The following PRDM7 variants were observed in gnomAD, a reference collection of about 807,000 sequenced individuals.
PRDM7 encodes the protein PR/SET domain 7, also known as histone-lysine N-methyltransferase PRDM7.
A neutral mutation model predicts 64.3 loss-of-function variants in PRDM7; 52 were observed. The ratio of observed to expected loss-of-function variants is 0.81; its 90% CI spans 0.65 to 1.02. PRDM7 has a LOEUF of 1.02. Ranked by LOEUF, PRDM7 falls within the 50% of genes least tolerant of loss-of-function variation. PRDM7 has a pLI of 0.00. For synonymous variants in PRDM7, 192 were observed against 210.1 expected (o/e 0.91, Z 0.74); for missense variants, 574 against 597.1 (o/e 0.96, Z 0.40).
chr16:90,065,734 C>T (rs940853000), intron 5 of PRDM7, among the ~76,000 whole-genome samples: 9 of 151,428 alleles, frequency 5.9e-5, no homozygotes, highest in Admixed American at 1.3e-4. Flanking sequence ...GACTCTGTCT[C>T]AAACTACCCC....
intron 4 of PRDM7, among the ~76,000 whole-genome samples, chr16:90,067,811 C>T (rs1216430764): frequency 2.0e-5 from 3 of 150,850 alleles, no homozygotes; most frequent in Admixed American, 6.6e-5. Flanking sequence ...AGGATGGTCT[C>T]GGTCTCCTGA....
In PRDM7 at chr16:90,063,712, C is replaced by T. The variant is rs770201192; in HGVS notation, c.408G>A (p.Thr136=). 2.6e-5 allele frequency: 42 copies of T among 1,614,050 alleles called. No individual in the cohort carries two copies. Among genetic ancestry groups the T allele is most frequent in the East Asian group, 4.5e-5 (2 of 44,902 alleles). ...NESSLRELSG[T]PNLLNTSDSE... is the part of the protein sequence containing the mutation. ...AGTCACTTGTATTCAGTAAATTTGG[C>T]GTTCCTGACAATTCTCTCAAACTAG... Residue 136 remains threonine, a synonymous_variant, in exon 6 of 11, where the codon ACG becomes ACA. Transcript: ENST00000449207.
intron 4 of PRDM7, among the ~76,000 whole-genome samples, chr16:90,071,309 T>C (rs2037952030): frequency 6.6e-6 from 1 of 152,190 alleles, no homozygotes; most frequent in African/African-American, 2.4e-5. Context: ...TTTTGTATTT[T>C]TAGTAGAGAT....
chr16:90,064,865 T>C (rs1410713667), intron 5 of PRDM7, among the ~76,000 whole-genome samples: 12 of 150,306 alleles, frequency 8.0e-5, no homozygotes, highest in Non-Finnish European at 1.2e-4. Flanking sequence ...ATTACAGGTG[T>C]CCACCACCAT....
rs1392482580 is a variant in PRDM7 at position 90,068,535 on chromosome 16, C to T, written c.302-1625G>A. ...CTGTAGTCCCAGCTACTCAGGAGGC[C>T]GAGGCAGGAGAATGGCATGAACCTT... On this transcript the variant is annotated intron_variant, in intron 4 of 10. Coordinates refer to ENST00000449207, the MANE Select transcript of PRDM7 (RefSeq NM_001098173.2). Among the ~76,000 whole-genome samples, 16 of 147,236 alleles carry T rather than the reference C, an allele frequency of 1.1e-4. No homozygotes were observed. In the East Asian group the frequency reaches 3.0e-3, roughly 28 times the overall value.
At position 90,058,424 on chromosome 16, in the gene PRDM7, G is replaced by C; in HGVS notation, c.1344C>G (p.Asp448Glu). ...GGTTGGAGAAGTTTTCTTGCAGATG[G>C]TCCTGGGAAGTTCTGAGAGGAGTGA... is the stretch of plus-strand genomic sequence containing the variant. The part of the protein sequence containing the change: ...NAITPLRTSQ[D>E]HLQENFSNQR... Residue 448 changes from aspartate to glutamate, a missense_variant, in exon 11 of 11, where the codon GAC becomes GAG. Transcript: ENST00000449207. 1 of 1,614,184 alleles carries C rather than the reference G, an allele frequency of 6.2e-7. No individual in the cohort carries two copies. The highest frequency in any genetic ancestry group is 8.5e-7 in the Non-Finnish European group (1 of 1,180,028).
At chr16:90,070,723 C>T (rs2037944827) in intron 4 of PRDM7, among the ~76,000 whole-genome samples, 1 of 143,802 alleles carries the variant, frequency 7.0e-6, no homozygotes, top group Non-Finnish European at 1.5e-5. Context: ...AGAGAGCCCT[C>T]ACTGGAACCC....
In PRDM7 at chr16:90,075,354, C is replaced by T; in HGVS notation, c.190G>A (p.Val64Ile). Residue 64 changes from valine to isoleucine, a missense_variant, in exon 3 of 11, where the codon GTA (valine) becomes ATA (isoleucine). Coordinates refer to ENST00000449207, the MANE Select transcript of PRDM7 (RefSeq NM_001098173.2). This position sits in a 1 kb window ranked among gnomAD's most constrained non-coding sequence, Gnocchi z 4.3. ...TGTGCCCAGCACTTCCTGTTACCTA[C>T]AGTAATCAGTGCATTATAGTTCATT... ...VKMNYNALIT[V>I]GLRATRPAFM... is the part of the protein sequence containing the mutation. 6.2e-7 allele frequency: 1 copy of T among 1,614,256 alleles called. No homozygotes were observed. The highest frequency in any genetic ancestry group is 8.5e-7 in the Non-Finnish European group (1 of 1,180,044).
intron 4 of PRDM7, among the ~76,000 whole-genome samples, chr16:90,074,283 G>GTCGTCATCA (rs113668745): frequency 6.8e-5 from 10 of 147,974 alleles, no homozygotes. Context: ...AATCATCATC[G>GTCGTCATCA]TCATCATCAT....
At chr16:90,074,337 G>A (rs1264985897) in intron 4 of PRDM7, among the ~76,000 whole-genome samples, 1 of 151,380 alleles carries the variant, frequency 6.6e-6, no homozygotes, top group East Asian at 2.0e-4. Context: ...AGCATTTTGG[G>A]AGGCCAAGGC....
At position 90,063,690 on chromosome 16, in the gene PRDM7, C is replaced by A; in HGVS notation, c.430G>T (p.Asp144Tyr). The A allele has an allele frequency of 3.1e-6, 5 of 1,614,164 alleles. No homozygotes were observed. Among genetic ancestry groups the A allele is most frequent in the Non-Finnish European group, 4.2e-6 (5 of 1,180,008 alleles). ...ACTGGTTTCTGAGCCTGCTCTGAGT[C>A]ACTTGTATTCAGTAAATTTGGCGTT... The part of the protein sequence containing the change: ...SGTPNLLNTS[D>Y]SEQAQKPVSP... The change falls in exon 6 of 11, where the codon GAC (aspartate) becomes TAC (tyrosine). Residue 144 changes from aspartate (D) to tyrosine (Y), a missense_variant. Physicochemically the swap from Asp to Tyr is radical, Grantham distance 160. Coordinates refer to ENST00000449207, the MANE Select transcript of PRDM7 (RefSeq NM_001098173.2).
chr16:90,067,378 G>A (rs1355128518), intron 4 of PRDM7, among the ~76,000 whole-genome samples: 1 of 150,920 alleles, frequency 6.6e-6, no homozygotes, highest in East Asian at 1.9e-4. Context: ...TAAGGCCTAT[G>A]CTTCTATTGG....
intron 9 of PRDM7, 143 bp from the exon 10 acceptor site, chr16:90,060,766 C>T (rs938895619): frequency 2.1e-4 from 247 of 1,169,428 alleles, no homozygotes; most frequent in Non-Finnish European, 2.9e-4. Context: ...GACTTACCTC[C>T]ACCTTGATTG....
At chr16:90,068,634 C>CA (rs778285091) in intron 4 of PRDM7, among the ~76,000 whole-genome samples, 97 of 93,318 alleles carry the variant, frequency 1.0e-3, no homozygotes, top group South Asian at 7.3e-3. Flanking sequence ...GACTCCGTCT[C>CA]AAAAAAAAAA....
intron 4 of PRDM7, among the ~76,000 whole-genome samples, chr16:90,069,061 GA>G (rs1485888367): frequency 6.6e-6 from 1 of 151,254 alleles, no homozygotes; most frequent in Non-Finnish European, 1.5e-5. Flanking sequence ...AAACAATCTT[GA>G]AAAAGAAGGA....
In PRDM7 at chr16:90,061,653, A is replaced by G. The variant is rs1025983706; in HGVS notation, c.883-134T>C. On this transcript the variant is annotated intron_variant, in intron 8 of 10. Transcript: ENST00000449207. ...ACTGAGACCACATGGCATGCACCTT[A>G]GTCATCATCTACACATCTGAGTTGG... 66 of 1,182,768 alleles carry G rather than the reference A, an allele frequency of 5.6e-5. No individual in the cohort carries two copies. The African/African-American group carries it at 9.6e-4, about 17-fold the overall frequency. 73.3% of individuals were successfully genotyped at this position (1,182,768 alleles called of 1,614,324 possible).
intron 6 of PRDM7, among the ~76,000 whole-genome samples, chr16:90,063,293 C>T (rs1212859673): frequency 6.6e-6 from 1 of 152,070 alleles, no homozygotes; most frequent in Non-Finnish European, 1.5e-5. Context: ...TAAAAATCAG[C>T]CGGGCACGGT....
intron 6 of PRDM7, among the ~76,000 whole-genome samples, chr16:90,063,151 A>G (rs1241446313): frequency 6.6e-6 from 1 of 152,186 alleles, no homozygotes; most frequent in Non-Finnish European, 1.5e-5. Flanking sequence ...ATGCTATTCA[A>G]TACTGTATCC....
chr16:90,064,691 T>C (rs1229233362), intron 5 of PRDM7, among the ~76,000 whole-genome samples: 2 of 147,122 alleles, frequency 1.4e-5, no homozygotes, highest in African/African-American at 2.5e-5. Context: ...TGGGATTATA[T>C]GTAAGAGCCC....
Sources: allele counts gnomAD v4.1 joint callset (sites outside exome capture counted in the v4.1 genomes callset), GRCh38; gene constraint gnomAD v4.1.1; non-coding constraint Gnocchi (gnomAD v3.1); transcripts MANE v1.5; gene names NCBI Gene and HGNC (gene_info 2026-07-23, HGNC 2026-07-21).